CNTNAP2: variants seen among roughly 807,000 people sequenced by gnomAD.
CNTNAP2 encodes the protein contactin associated protein 2.
Under a neutral mutation model 155.2 loss-of-function variants are expected in CNTNAP2, and 98 were observed. The observed-to-expected ratio is 0.63, with a 90% CI of 0.54 to 0.75. CNTNAP2 has a LOEUF of 0.75. Ranked by LOEUF, CNTNAP2 falls within the 30% of genes least tolerant of loss-of-function variation. The pLI, the probability that CNTNAP2 is intolerant of heterozygous loss-of-function variation, is 0.00. For missense variants in CNTNAP2, 1,727 were observed against 1,688.1 expected (o/e 1.02, Z -0.40); for synonymous variants, 651 against 631.2 (o/e 1.03, Z -0.47).
chr7:146,977,731 G>A (rs1329145484), intron 3 of CNTNAP2, among the ~76,000 whole-genome samples: 1 of 152,150 alleles, frequency 6.6e-6, no homozygotes, highest in African/African-American at 2.4e-5. Context: ...ATTTATGTAT[G>A]TATTTATTTT....
Position 147,167,573 on chromosome 7 carries a change from C to T in CNTNAP2, c.1348+35064C>T, listed in dbSNP as rs941822258. The stretch of plus-strand genomic sequence containing the variant: ...CTGCTCTCCCAGATGACGATGATGA[C>T]CTGTGAGAATGAAGCTGGAGCCCAG... On this transcript the variant is annotated intron_variant, in intron 8 of 23. Transcript: ENST00000361727. 2.8e-5 allele frequency: 22 copies of T among 783,640 alleles called. No homozygotes were observed. The Admixed American group carries it at 4.6e-4, about 17-fold the overall frequency. 48.5% of individuals were successfully genotyped at this position (783,640 alleles called of 1,614,324 possible).
intron 1 of CNTNAP2, among the ~76,000 whole-genome samples, chr7:146,184,226 G>A (rs942244072): frequency 2.0e-5 from 3 of 152,096 alleles, no homozygotes; most frequent in African/African-American, 7.2e-5. Flanking sequence ...ACAGAATGAG[G>A]TTACATGTTA....
At chr7:147,795,334 T>C (rs766375668) in intron 13 of CNTNAP2, among the ~76,000 whole-genome samples, 1 of 152,128 alleles carries the variant, frequency 6.6e-6, no homozygotes, top group Non-Finnish European at 1.5e-5. Flanking sequence ...ATCTATTCAC[T>C]TTTAATGTTT....
At position 147,635,184 on chromosome 7, in the gene CNTNAP2, C is replaced by CTATATATATATATA. The variant is rs57395379; in HGVS notation, c.1898-3918_1898-3905dup. On this transcript the variant is annotated intron_variant, in intron 12 of 23. Transcript: ENST00000361727. ...TCTCCCAGCCATTATCACTGGCAAA[C>CTATATATATATATA]TATATATATATATATATGTTTAATT... 4.4e-4 allele frequency among the ~76,000 whole-genome samples: 60 copies of CTATATATATATATA among 137,158 alleles called. 3 individuals are homozygous for CTATATATATATATA. Among genetic ancestry groups the CTATATATATATATA allele is most frequent in the African/African-American group, 1.6e-3 (50 of 32,108 alleles). 90.0% of individuals were successfully genotyped at this position (137,158 alleles called of 152,430 possible).
chr7:147,451,002 C>T (rs1362064008), intron 10 of CNTNAP2, among the ~76,000 whole-genome samples: 2 of 152,194 alleles, frequency 1.3e-5, no homozygotes, highest in Non-Finnish European at 2.9e-5. Context: ...GTTCTTTGAC[C>T]AGGCCATGCA....
At chr7:147,519,736 G>A (rs1799199255) in intron 11 of CNTNAP2, among the ~76,000 whole-genome samples, 1 of 152,206 alleles carries the variant, frequency 6.6e-6, no homozygotes, top group Admixed American at 6.5e-5. Context: ...ACATGGTGGT[G>A]TGCCTGTCAT....
At chr7:147,417,089 CA>C (rs3050513) in intron 10 of CNTNAP2, among the ~76,000 whole-genome samples, 88,872 of 126,282 alleles carry the variant, frequency 0.7, 29,333 homozygotes, top group African/African-American at 0.75. Context: ...ACTCTGGTCT[CA>C]AAAAAAAAAA....
intron 1 of CNTNAP2, among the ~76,000 whole-genome samples, chr7:146,773,222 A>G (rs1664376198): frequency 1.3e-5 from 2 of 152,210 alleles, no homozygotes; most frequent in Non-Finnish European, 2.9e-5. Flanking sequence ...AGAAAAAAAA[A>G]TCTTAATGAC....
chr7:147,523,161 C>T (rs1799260141), intron 11 of CNTNAP2, among the ~76,000 whole-genome samples: 1 of 152,156 alleles, frequency 6.6e-6, no homozygotes, highest in Non-Finnish European at 1.5e-5. Flanking sequence ...TAAAGATCCA[C>T]TTCCAAAATC....
intron 2 of CNTNAP2, among the ~76,000 whole-genome samples, chr7:146,813,968 G>A (rs941347257): frequency 3.3e-5 from 5 of 152,078 alleles, no homozygotes; most frequent in African/African-American, 1.2e-4. Context: ...TGTGAAGAAG[G>A]ATGTGTTTAC....
intron 10 of CNTNAP2, among the ~76,000 whole-genome samples, chr7:147,470,096 C>A (rs2373139): frequency 0.78 from 118,519 of 152,076 alleles, 46,547 homozygotes; most frequent in African/African-American, 0.87. Context: ...CCATTGTAAG[C>A]TTTCTTTTAC....
At chr7:146,927,585 T>C (rs1408950423) in intron 3 of CNTNAP2, among the ~76,000 whole-genome samples, 1 of 152,126 alleles carries the variant, frequency 6.6e-6, no homozygotes, top group East Asian at 1.9e-4. Flanking sequence ...TATAAAGATA[T>C]ACAATATTAC....
chr7:147,919,293 T>A (rs1800215955), intron 14 of CNTNAP2, among the ~76,000 whole-genome samples: 1 of 151,470 alleles, frequency 6.6e-6, no homozygotes. Context: ...AGGTTTTGTT[T>A]TTGTTTTGAG....
At chr7:147,312,730 T>G (rs62485037) in intron 9 of CNTNAP2, among the ~76,000 whole-genome samples, 6,851 of 92,618 alleles carry the variant, frequency 0.074, 1,981 homozygotes, top group South Asian at 0.12. Context: ...ATACGTGTAT[T>G]TGTGTCTTTA....
chr7:146,283,699 GA>G (rs1256278116), intron 1 of CNTNAP2, among the ~76,000 whole-genome samples: 2 of 152,260 alleles, frequency 1.3e-5, no homozygotes, highest in East Asian at 3.9e-4. Context: ...TCTACAAATA[GA>G]AATAAATTAG....
chr7:146,426,631 A>AG (rs1796096792), intron 1 of CNTNAP2, among the ~76,000 whole-genome samples: 1 of 149,774 alleles, frequency 6.7e-6, no homozygotes, highest in African/African-American at 2.5e-5. Flanking sequence ...TTTAAAAAAA[A>AG]AAAAAAAGCA....
intron 4 of CNTNAP2, among the ~76,000 whole-genome samples, chr7:147,063,136 G>A (rs1799714803): frequency 1.3e-5 from 2 of 152,110 alleles, no homozygotes; most frequent in African/African-American, 2.4e-5. Flanking sequence ...TCCCCATAAG[G>A]AACTAGTAGC....
At position 148,383,887 on chromosome 7, in the gene CNTNAP2, A is replaced by G; in HGVS notation, c.3714A>G (p.Ser1238=). The change falls in exon 22 of 24, where the codon TCA becomes TCG. Residue 1238 remains serine, a splice_region_variant and synonymous_variant. Transcript: ENST00000361727. ...TDPWHLDHLD[S]ASADFPYNPG... Reference sequence around the variant, plus strand: ...CCTGGCACCTGGATCACCTGGATTCAGGTAAAGTCTTCAGCAACCTCAGGC... The same window carrying G: ...CCTGGCACCTGGATCACCTGGATTCGGGTAAAGTCTTCAGCAACCTCAGGC... 6.2e-7 allele frequency: 1 copy of G among 1,613,492 alleles called. No individual in the cohort carries two copies. The highest frequency in any genetic ancestry group is 1.3e-5 in the African/African-American group (1 of 75,040).
At chr7:146,439,466 CT>C (rs1391250046) in intron 1 of CNTNAP2, among the ~76,000 whole-genome samples, 1 of 151,514 alleles carries the variant, frequency 6.6e-6, no homozygotes, top group African/African-American at 2.4e-5. Context: ...GTCTTCTCTT[CT>C]TTCCTCCTGG....
Sources: allele counts gnomAD v4.1 joint callset (sites outside exome capture counted in the v4.1 genomes callset), GRCh38; gene constraint gnomAD v4.1.1; transcripts MANE v1.5; gene names NCBI Gene and HGNC (gene_info 2026-07-23, HGNC 2026-07-21).